The following MARK3 variants were observed in gnomAD, a reference collection of about 807,000 sequenced individuals.
MARK3 encodes microtubule affinity regulating kinase 3, also known as MAP/microtubule affinity-regulating kinase 3.
Under a neutral mutation model 90.1 loss-of-function variants are expected in MARK3, and 46 were observed. The ratio of observed to expected loss-of-function variants is 0.51; its 90% CI spans 0.40 to 0.65. The LOEUF (loss-of-function observed/expected upper bound fraction) is 0.65, where lower values mean the gene tolerates loss of function less well. MARK3 is among the 30% of genes least tolerant of loss of function. The pLI is 0.00. For missense variants in MARK3, 818 were observed against 947.2 expected (o/e 0.86, Z 1.79); for synonymous variants, 321 against 332.6 (o/e 0.97, Z 0.38).
In MARK3 at chr14:103,405,127, T is replaced by C. The variant is rs1295490926; in HGVS notation, c.103T>C (p.Ser35Pro). 6.2e-7 allele frequency: 1 copy of C among 1,614,002 alleles called. No homozygotes were observed. Among genetic ancestry groups the C allele is most frequent in the Non-Finnish European group, 8.5e-7 (1 of 1,179,974 alleles). Reference protein sequence around the residue: ...RQEVTSRTSRSGARCRNSIAS... With the variant: ...RQEVTSRTSRPGARCRNSIAS... ...AGAAGTTACCTCTCGTACCAGCCGC[T>C]CAGGAGCTCGGTGTAGAAACTCTAT... is the stretch of plus-strand genomic sequence containing the variant. The change falls in exon 2 of 18, where the codon TCA (serine) becomes CCA (proline). Residue 35 changes from serine (S) to proline (P), a missense_variant. Around this residue, in one of 3 missense-constraint regions of MARK3, gnomAD observed 157 missense variants for 158.7 expected, o/e 0.99. Coordinates refer to ENST00000429436, the MANE Select transcript of MARK3 (RefSeq NM_001128918.3).
At chr14:103,488,299 G>A (rs554194920) in intron 14 of MARK3, among the ~76,000 whole-genome samples, 17 of 152,092 alleles carry the variant, frequency 1.1e-4, no homozygotes, top group Admixed American at 8.5e-4. Context: ...GATTGGGCTC[G>A]GCACCATCAG....
intron 12 of MARK3, among the ~76,000 whole-genome samples, chr14:103,468,668 A>G (rs950814487): frequency 6.6e-6 from 1 of 151,854 alleles, no homozygotes; most frequent in Non-Finnish European, 1.5e-5. Flanking sequence ...CCATGATTAC[A>G]TATTACTTCA....
At chr14:103,392,094 T>C (rs976116411) in intron 1 of MARK3, among the ~76,000 whole-genome samples, 4 of 152,280 alleles carry the variant, frequency 2.6e-5, no homozygotes, top group Admixed American at 6.5e-5. Context: ...CATGTACTTA[T>C]TATTAGTTAA....
In MARK3 at chr14:103,503,033, T is replaced by C. The variant is rs2075759142; in HGVS notation, c.2068T>C (p.Tyr690His). The part of the protein sequence containing the change: ...RKVLDANNCD[Y>H]EQRERFLLFC... Reference sequence around the variant, plus strand: ...AGTGTTGGACGCCAATAACTGCGACTATGAGCAGAGGGAGCGCTTCTTGCT... The same window carrying C: ...AGTGTTGGACGCCAATAACTGCGACCATGAGCAGAGGGAGCGCTTCTTGCT... The change falls in exon 18 of 18, where the codon TAT becomes CAT. Residue 690 changes from tyrosine (Y) to histidine (H), a missense_variant. Tyr to His is a moderately conservative substitution (Grantham distance 83, BLOSUM62 2). Around this residue, in one of 3 missense-constraint regions of MARK3, gnomAD observed 560 missense variants for 613.5 expected, o/e 0.91. Coordinates refer to ENST00000429436, the MANE Select transcript of MARK3 (RefSeq NM_001128918.3). 1.2e-6 allele frequency: 2 copies of C among 1,614,146 alleles called. No homozygotes were observed. Among genetic ancestry groups the C allele is most frequent in the East Asian group, 2.2e-5 (1 of 44,906 alleles).
intron 2 of MARK3, among the ~76,000 whole-genome samples, chr14:103,418,051 A>G (rs1160627403): frequency 5.9e-5 from 9 of 152,060 alleles, no homozygotes; most frequent in Non-Finnish European, 1.2e-4. Flanking sequence ...CCTGGGTGAC[A>G]GAGCAAAACT....
At chr14:103,463,088 A>C (rs1595796513) in intron 7 of MARK3, among the ~76,000 whole-genome samples, 1 of 144,544 alleles carries the variant, frequency 6.9e-6, no homozygotes, top group Non-Finnish European at 1.5e-5. Context: ...TTGTTTATTC[A>C]CTCTCCTTCT....
At chr14:103,449,412 C>CAAAA (rs34657716) in intron 4 of MARK3, among the ~76,000 whole-genome samples, 3 of 83,986 alleles carry the variant, frequency 3.6e-5, no homozygotes, top group African/African-American at 1.4e-4. Flanking sequence ...CCCGTCTCTC[C>CAAAA]AAAAAAAAAA....
At chr14:103,460,170 C>T (rs2093371500) in intron 6 of MARK3, among the ~76,000 whole-genome samples, 3 of 142,168 alleles carry the variant, frequency 2.1e-5, no homozygotes. Flanking sequence ...ACTGCAAGCT[C>T]CGCCCCCTGG....
At chr14:103,399,445 C>T in intron 1 of MARK3, among the ~76,000 whole-genome samples, 1 of 152,044 alleles carries the variant, frequency 6.6e-6, no homozygotes, top group East Asian at 1.9e-4. Flanking sequence ...TGCGGTGGCT[C>T]ACACCTGTAA....
intron 3 of MARK3, among the ~76,000 whole-genome samples, chr14:103,448,105 G>C (rs920558237): frequency 6.6e-6 from 1 of 152,174 alleles, no homozygotes; most frequent in African/African-American, 2.4e-5. Flanking sequence ...GGGTTCACTT[G>C]TGTGGCTGAA....
intron 3 of MARK3, among the ~76,000 whole-genome samples, chr14:103,448,563 G>A (rs1363234366): frequency 6.6e-6 from 1 of 152,136 alleles, no homozygotes. Flanking sequence ...AGAGTTGGGA[G>A]CCCTGGGTAG....
chr14:103,385,896 A>T lies in MARK3; in HGVS notation c.-134A>T. 1 of 691,832 alleles carries T rather than the reference A, an allele frequency of 1.4e-6. No individual in the cohort carries two copies. The highest frequency in any genetic ancestry group is 2.6e-6 in the Non-Finnish European group (1 of 380,834). 42.9% of individuals were successfully genotyped at this position (691,832 alleles called of 1,614,324 possible). A position where few individuals can be genotyped will look rare whatever the true frequency, so the allele number is the denominator to read the frequency against. On this transcript the variant is annotated 5_prime_UTR_variant, in exon 1 of 18. Coordinates refer to ENST00000429436, the MANE Select transcript of MARK3 (RefSeq NM_001128918.3). ...CCAGGCCCGGGATCTAGACGGCCGT[A>T]GGGGGAAGGGAGCCGCCCTCCCCAC...
chr14:103,392,150 C>G (rs2090296188), intron 1 of MARK3, among the ~76,000 whole-genome samples: 1 of 152,134 alleles, frequency 6.6e-6, no homozygotes, highest in African/African-American at 2.4e-5. Flanking sequence ...ACTGATGATG[C>G]TGTTGTCTAG....
rs1160199989 is a variant in MARK3, at chr14:103,385,583, G to C, written c.-447G>C. 6.4e-6 allele frequency: 1 copy of C among 155,626 alleles called. No homozygotes were observed. The allele number at this position is 155,626 out of a possible 1,614,324, so 9.6% of individuals were successfully genotyped here. The stretch of plus-strand genomic sequence containing the variant: ...CACAGCCCGCGGCGGCCTGTCTTGC[G>C]CTCCACTTCCTTCACATCCTCCTCC... On this transcript the variant is annotated 5_prime_UTR_variant, in exon 1 of 18. Transcript: ENST00000429436.
In MARK3 at chr14:103,481,757, C is replaced by CTTTTTTTTTTTTTT. The variant is rs71126030; in HGVS notation, c.1586+1281_1586+1294dup. On this transcript the variant is annotated intron_variant, in intron 14 of 17. Transcript: ENST00000429436. ...CAGATAATGATTGATATAGGTATTT[C>CTTTTTTTTTTTTTT]TTTTTTTTTTTTTTTTTTTTTTTTT... 1.7e-3 allele frequency among the ~76,000 whole-genome samples: 87 copies of CTTTTTTTTTTTTTT among 49,804 alleles called. 17 individuals carry two copies. Among genetic ancestry groups the CTTTTTTTTTTTTTT allele is most frequent in the East Asian group, 4.5e-3 (6 of 1,336 alleles). The allele number at this position is 49,804 out of a possible 152,430, so 32.7% of individuals were successfully genotyped here.
At chr14:103,492,798 T>C (rs771500593) in intron 15 of MARK3, among the ~76,000 whole-genome samples, 20 of 152,194 alleles carry the variant, frequency 1.3e-4, no homozygotes, top group Non-Finnish European at 2.8e-4. Context: ...CCAGAAATAC[T>C]GGCTGCTTCA....
At chr14:103,456,004 A>T (rs1438213518) in intron 5 of MARK3, among the ~76,000 whole-genome samples, 3 of 152,222 alleles carry the variant, frequency 2.0e-5, no homozygotes, top group Non-Finnish European at 4.4e-5. Context: ...TTGATTTCAG[A>T]GGTGGTGATT....
At position 103,399,616 on chromosome 14, in the gene MARK3, G is replaced by A. The variant is rs544054291; in HGVS notation, c.52-5460G>A. Among the ~76,000 whole-genome samples the A allele has an allele frequency of 2.5e-4, 37 of 150,920 alleles. 1 individual carries two copies. The highest frequency in any genetic ancestry group is 2.1e-3 in the South Asian group (10 of 4,760). ...CGGGAGGCTGAGGCCAGAGAATGGC[G>A]TGAACCCGGGAGGCGGAGCTTGCAG... On this transcript the variant is annotated intron_variant, in intron 1 of 17. Coordinates refer to ENST00000429436, the MANE Select transcript of MARK3 (RefSeq NM_001128918.3).
rs1432965261 is a variant in MARK3 at position 103,500,199 on chromosome 14, A to G, written c.1915A>G (p.Ser639Gly). Reference protein sequence around the residue: ...YERNGRYEGSSRNVSAEQKDE... With the variant: ...YERNGRYEGSGRNVSAEQKDE... ...GAGGAACGGGAGATATGAGGGCTCA[A>G]GGTGAGGGAAATGATTTTTACTTAA... Residue 639 changes from serine (S) to glycine (G), a missense_variant and splice_region_variant, in exon 17 of 18, where the codon AGT becomes GGT. This residue lies in a region of MARK3 where 560 missense variants were observed against 613.5 expected (regional missense o/e 0.91). Transcript: ENST00000429436. 6.3e-7 allele frequency: 1 copy of G among 1,596,208 alleles called. No individual in the cohort carries two copies. Among genetic ancestry groups the G allele is most frequent in the Non-Finnish European group, 8.5e-7 (1 of 1,174,378 alleles).
Sources: gnomAD v4.1 joint callset for allele counts (sites outside exome capture counted in the v4.1 genomes callset) on GRCh38, gnomAD v4.1.1 for gene constraint, gnomAD v4.1.1 regional missense constraint, MANE v1.5 for transcripts, NCBI Gene and HGNC (gene_info 2026-07-23, HGNC 2026-07-21) for gene names.